The following GSDME variants were observed in gnomAD, a reference collection of about 807,000 sequenced individuals.
GSDME encodes gasdermin-E.
GSDME carries 44 observed loss-of-function variants against 47.5 expected under a neutral mutation model. The observed-to-expected ratio is 0.93, with a 90% CI of 0.73 to 1.19. The LOEUF is 1.19. GSDME is among the 50% of genes most tolerant of loss of function. GSDME has a pLI of 0.00. For missense variants in GSDME, 663 were observed against 604.2 expected, an observed-to-expected ratio of 1.10 and a Z score of -1.02; for synonymous variants, 258 against 252.8, an observed-to-expected ratio of 1.02 and a Z score of -0.20.
In GSDME at chr7:24,733,369, A is replaced by G. The variant is rs766499023; in HGVS notation, c.404+11193T>C. 1.9e-4 allele frequency among the ~76,000 whole-genome samples: 29 copies of G among 152,124 alleles called. No homozygotes were observed. Among genetic ancestry groups the G allele is most frequent in the Non-Finnish European group, 3.7e-4 (25 of 68,030 alleles). ...CGGCACTTTCACAGCTGTGCTGGCT[A>G]TGAGGAGAGATTCCTTCTGCTTGAG... On this transcript the variant is annotated intron_variant, in intron 3 of 9. Coordinates refer to ENST00000645220, the MANE Select transcript of GSDME (RefSeq NM_001127453.2). The surrounding 1 kb of genome is among the most constrained non-coding windows in gnomAD (Gnocchi z 4.3).
At chr7:24,727,987 C>T (rs1790024276) in intron 3 of GSDME, among the ~76,000 whole-genome samples, 1 of 152,194 alleles carries the variant, frequency 6.6e-6, no homozygotes, top group African/African-American at 2.4e-5. Context: ...CCACTAGCTG[C>T]CGTCCCCAGC....
the GSDME span, among the ~76,000 whole-genome samples, chr7:24,779,566 GA>G: frequency 2.0e-5 from 3 of 146,996 alleles, no homozygotes; most frequent in East Asian, 2.0e-4. The surrounding 1 kb of genome is among the most constrained non-coding windows in gnomAD (Gnocchi z 6.0). Context: ...TTCATCAGGG[GA>G]AAAAAAAAGA....
At chr7:24,785,645 T>TG in the GSDME span, among the ~76,000 whole-genome samples, 1 of 152,198 alleles carries the variant, frequency 6.6e-6, no homozygotes, top group East Asian at 1.9e-4. Flanking sequence ...TTAGCAGAGA[T>TG]GGGGTTTCAC....
At chr7:24,711,852 C>T (rs1159247099) in intron 5 of GSDME, among the ~76,000 whole-genome samples, 1 of 149,340 alleles carries the variant, frequency 6.7e-6, no homozygotes, top group African/African-American at 2.5e-5. Context: ...AATGTTTTCT[C>T]AAACACTTCC....
At chr7:24,701,131 A>AT (rs1264363876) in intron 9 of GSDME, among the ~76,000 whole-genome samples, 2 of 152,172 alleles carry the variant, frequency 1.3e-5, no homozygotes, top group Admixed American at 1.3e-4. Context: ...CTGCAGATGG[A>AT]TTTTGTGCCG....
intron 4 of GSDME, among the ~76,000 whole-genome samples, chr7:24,718,002 T>C (rs1789634024): frequency 6.6e-6 from 1 of 152,230 alleles, no homozygotes; most frequent in Non-Finnish European, 1.5e-5. Flanking sequence ...ACACTGGCAA[T>C]CAGAGAACTT....
At chr7:24,795,108 ACTCC>A in the GSDME span, among the ~76,000 whole-genome samples, 1 of 151,702 alleles carries the variant, frequency 6.6e-6, no homozygotes, top group Non-Finnish European at 1.5e-5. Context: ...AGATGTCTGG[ACTCC>A]AAGCGCCGAT....
chr7:24,727,780 A>G (rs1230092881), intron 3 of GSDME, among the ~76,000 whole-genome samples: 1 of 152,248 alleles, frequency 6.6e-6, no homozygotes, highest in Non-Finnish European at 1.5e-5. Flanking sequence ...TGGAACACAC[A>G]CACCATTGCC....
chr7:24,743,565 C>G (rs1323755946), intron 3 of GSDME, among the ~76,000 whole-genome samples: 2 of 152,170 alleles, frequency 1.3e-5, no homozygotes, highest in Non-Finnish European at 2.9e-5. Context: ...GCCCAAAACC[C>G]TCCACTGGCT....
chr7:24,780,943 A>G, the GSDME span, among the ~76,000 whole-genome samples: 1 of 152,198 alleles, frequency 6.6e-6, no homozygotes, highest in South Asian at 2.1e-4. This position sits in a 1 kb window ranked among gnomAD's most constrained non-coding sequence, Gnocchi z 4.1. Context: ...AGGACTCTGC[A>G]TTTTAACATG....
At chr7:24,778,746 G>A in the GSDME span, among the ~76,000 whole-genome samples, 1 of 152,228 alleles carries the variant, frequency 6.6e-6, no homozygotes, top group South Asian at 2.1e-4. The surrounding 1 kb of genome is among the most constrained non-coding windows in gnomAD (Gnocchi z 5.6). Flanking sequence ...CAACACAGAA[G>A]CTGCACGTAC....
At chr7:24,763,711 TCCTTTGGC>T in the GSDME span, among the ~76,000 whole-genome samples, 1 of 152,226 alleles carries the variant, frequency 6.6e-6, no homozygotes, top group Admixed American at 6.5e-5. This position sits in a 1 kb window ranked among gnomAD's most constrained non-coding sequence, Gnocchi z 4.3. Context: ...TACTGTACCT[TCCTTTGGC>T]CAGAAATCAG....
intron 5 of GSDME, chr7:24,715,449 C>T (rs184046245): frequency 2.1e-6 from 1 of 470,894 alleles, no homozygotes; most frequent in Admixed American, 2.4e-5. Flanking sequence ...TGAATCATCA[C>T]TTGTACATCT....
At chr7:24,727,092 G>A (rs546640848) in intron 3 of GSDME, among the ~76,000 whole-genome samples, 58 of 152,310 alleles carry the variant, frequency 3.8e-4, no homozygotes, top group Non-Finnish European at 7.5e-4. Context: ...AGACAGTAAG[G>A]AGGAAGAAAG....
rs865905505 is a variant in GSDME at position 24,744,691 on chromosome 7, A to G, written c.275T>C (p.Leu92Pro). The G allele has an allele frequency of 4.3e-6, 7 of 1,614,026 alleles. No individual in the cohort carries two copies. Among genetic ancestry groups the G allele is most frequent in the Non-Finnish European group, 5.9e-6 (7 of 1,180,024 alleles). Residue 92 changes from leucine (L) to proline (P), a missense_variant, in exon 3 of 10, where the codon CTG becomes CCG. By Grantham distance (98) the Leu-to-Pro change is moderately conservative. Transcript: ENST00000645220. This position sits in a 1 kb window ranked among gnomAD's most constrained non-coding sequence, Gnocchi z 4.5. ...CTTGACCTTCCCCAGTGCAGTCTCC[A>G]GGGTTCCACTCACGTGGTTTGCAAA... ...GKFANHVSGTLETALGKVKLN... is the reference protein window; with the variant it reads ...GKFANHVSGTPETALGKVKLN...
Position 24,745,034 on chromosome 7 carries a change from T to TGTGTGG in GSDME, c.212-281_212-280insCCACAC, listed in dbSNP as rs1292473229. ...GTGTGTGTGTGTGTGTGTGTGTGTG[T>TGTGTGG]GGACCACGGGCACACAGTGGACCAG... On this transcript the variant is annotated intron_variant, in intron 2 of 9. Transcript: ENST00000645220. The surrounding 1 kb of genome is among the most constrained non-coding windows in gnomAD (Gnocchi z 4.4). 2.7e-4 allele frequency among the ~76,000 whole-genome samples: 37 copies of TGTGTGG among 135,738 alleles called. 1 individual carries two copies. Among genetic ancestry groups the TGTGTGG allele is most frequent in the African/African-American group, 1.0e-3 (36 of 34,590 alleles). The allele number at this position is 135,738 out of a possible 152,430, so 89.0% of individuals were successfully genotyped here.
Position 24,725,731 on chromosome 7 carries a change from G to A in GSDME, c.405-6513C>T, listed in dbSNP as rs1307372191. On this transcript the variant is annotated intron_variant, in intron 3 of 9. Transcript: ENST00000645220. The surrounding 1 kb of genome is among the most constrained non-coding windows in gnomAD (Gnocchi z 5.1). ...ATGTATAGATAACATAACTGATTAG[G>A]TCAGGGGTCAATCTTTAACGACCAG... Among the ~76,000 whole-genome samples, 1 of 152,154 alleles carries A rather than the reference G, an allele frequency of 6.6e-6. No homozygotes were observed. The highest frequency in any genetic ancestry group is 1.5e-5 in the Non-Finnish European group (1 of 68,022).
chr7:24,792,177 G>A, the GSDME span, among the ~76,000 whole-genome samples: 1 of 152,182 alleles, frequency 6.6e-6, no homozygotes, highest in African/African-American at 2.4e-5. Flanking sequence ...TTGCATCTTG[G>A]TATCCTGTCT....
the GSDME span, among the ~76,000 whole-genome samples, chr7:24,787,538 T>C: frequency 1.3e-5 from 2 of 152,146 alleles, no homozygotes; most frequent in African/African-American, 2.4e-5. This position sits in a 1 kb window ranked among gnomAD's most constrained non-coding sequence, Gnocchi z 5.0. Flanking sequence ...ATTAGCCAAA[T>C]CTGAGAATCA....
Sources: gnomAD v4.1 joint callset for allele counts (sites outside exome capture counted in the v4.1 genomes callset) on GRCh38, gnomAD v4.1.1 for gene constraint, Gnocchi (gnomAD v3.1) non-coding constraint, MANE v1.5 for transcripts, NCBI Gene and HGNC (gene_info 2026-07-23, HGNC 2026-07-21) for gene names.